CADM2: variants seen among roughly 807,000 people sequenced by gnomAD.
CADM2 encodes cell adhesion molecule 2, also known as immunoglobulin superfamily member 4D.
Under a neutral mutation model 49.8 loss-of-function variants are expected in CADM2, and 12 were observed. The observed-to-expected ratio is 0.24, with a 90% confidence interval of 0.15 to 0.39. The LOEUF (loss-of-function observed/expected upper bound fraction) is 0.39, where lower values mean the gene tolerates loss of function less well. Ranked by LOEUF, CADM2 falls within the 10% of genes least tolerant of loss-of-function variation. The pLI, the probability that CADM2 is intolerant of heterozygous loss-of-function variation, is 1.00. For missense variants in CADM2, 378 were observed against 492.3 expected, an observed-to-expected ratio of 0.77 and a Z score of 2.20; for synonymous variants, 214 against 175.4, an observed-to-expected ratio of 1.22 and a Z score of -1.74.
intron 1 of CADM2, among the ~76,000 whole-genome samples, chr3:85,541,719 TATATATATATA>T (rs2061543085): frequency 1.6e-5 from 2 of 125,566 alleles, no homozygotes; most frequent in African/African-American, 3.4e-5. Context: ...TATTTTATAT[TATATATATATA>T]TTTTATATAT....
intron 1 of CADM2, among the ~76,000 whole-genome samples, chr3:85,200,223 T>C (rs914030112): frequency 1.3e-5 from 2 of 152,058 alleles, no homozygotes; most frequent in African/African-American, 2.4e-5. Flanking sequence ...TTAAGAAAGG[T>C]ACATAGATTA....
intron 7 of CADM2, among the ~76,000 whole-genome samples, chr3:85,955,108 A>G (rs941127332): frequency 1.3e-5 from 2 of 151,460 alleles, no homozygotes; most frequent in African/African-American, 2.4e-5. Flanking sequence ...TAAAGGAAGT[A>G]TAAGATATAA....
intron 3 of CADM2, among the ~76,000 whole-genome samples, chr3:85,845,508 T>C (rs1176120124): frequency 2.0e-5 from 3 of 152,196 alleles, no homozygotes; most frequent in African/African-American, 7.2e-5. Flanking sequence ...TTAAGATTCA[T>C]GAAGCTTTAA....
At chr3:85,019,389 GAGA>G (rs1320193716) in intron 1 of CADM2, among the ~76,000 whole-genome samples, 2 of 152,114 alleles carry the variant, frequency 1.3e-5, no homozygotes, top group South Asian at 2.1e-4. Flanking sequence ...AGGCTGAGCT[GAGA>G]AGATCACTTG....
intron 2 of CADM2, among the ~76,000 whole-genome samples, chr3:85,750,138 A>G (rs1314925299): frequency 1.3e-5 from 2 of 152,134 alleles, no homozygotes; most frequent in Middle Eastern, 3.4e-3. Flanking sequence ...TGTATCCCAT[A>G]TCTTTCTGTT....
intron 1 of CADM2, among the ~76,000 whole-genome samples, chr3:85,207,750 C>T (rs1352780838): frequency 6.6e-6 from 1 of 152,098 alleles, no homozygotes; most frequent in Non-Finnish European, 1.5e-5. Flanking sequence ...AACCAACTGG[C>T]ATACTTTTAA....
intron 7 of CADM2, among the ~76,000 whole-genome samples, chr3:85,947,061 A>T (rs865796097): frequency 6.6e-6 from 1 of 152,110 alleles, no homozygotes; most frequent in East Asian, 1.9e-4. Flanking sequence ...GCAAATGGCT[A>T]ATATCCAGAA....
chr3:85,398,054 G>A (rs536493085), intron 1 of CADM2, among the ~76,000 whole-genome samples: 33 of 151,522 alleles, frequency 2.2e-4, no homozygotes, highest in African/African-American at 7.3e-4. Context: ...TGTGCACAAC[G>A]TGCAGGTTAG....
intron 3 of CADM2, among the ~76,000 whole-genome samples, chr3:85,850,006 T>C (rs9309994): frequency 0.14 from 21,973 of 152,116 alleles, 2,007 homozygotes; most frequent in Non-Finnish European, 0.2. Flanking sequence ...AATAAAAGAA[T>C]TGGTAAAAAG....
intron 1 of CADM2, among the ~76,000 whole-genome samples, chr3:85,275,468 T>C (rs897775681): frequency 2.0e-5 from 3 of 151,498 alleles, no homozygotes; most frequent in East Asian, 1.9e-4. Context: ...ACTAAATACA[T>C]AGACATAGAG....
At chr3:85,461,551 G>T (rs1002471508) in intron 1 of CADM2, among the ~76,000 whole-genome samples, 42 of 152,260 alleles carry the variant, frequency 2.8e-4, no homozygotes, top group African/African-American at 1.0e-3. Flanking sequence ...GGAGGAAAAA[G>T]TTTCAACTTT....
intron 1 of CADM2, among the ~76,000 whole-genome samples, chr3:85,467,837 G>A (rs901243898): frequency 3.3e-5 from 5 of 152,088 alleles, no homozygotes; most frequent in Admixed American, 1.3e-4. Context: ...AGCACAGCAG[G>A]TCCTGAAATA....
At chr3:86,060,957 G>C (rs1479342814) in intron 8 of CADM2, among the ~76,000 whole-genome samples, 4 of 151,482 alleles carry the variant, frequency 2.6e-5, no homozygotes, top group Admixed American at 6.6e-5. Context: ...ACTCCAGCCT[G>C]GGCTACAGAG....
chr3:85,487,757 CGTGT>C (rs891107767), intron 1 of CADM2, among the ~76,000 whole-genome samples: 16 of 150,000 alleles, frequency 1.1e-4, no homozygotes, highest in African/African-American at 3.4e-4. Context: ...CGTGTGTGTG[CGTGT>C]GTGTGTGCGT....
chr3:85,912,136 G>A (rs543743591), intron 5 of CADM2, among the ~76,000 whole-genome samples: 4 of 151,836 alleles, frequency 2.6e-5, no homozygotes, highest in East Asian at 3.9e-4. Flanking sequence ...TAGTAGAGAC[G>A]GGGTTTCACC....
chr3:85,434,127 T>C (rs2036816879), intron 1 of CADM2, among the ~76,000 whole-genome samples: 2 of 152,098 alleles, frequency 1.3e-5, no homozygotes, highest in Non-Finnish European at 2.9e-5. Flanking sequence ...TAATATCTAC[T>C]AAAATTTTAA....
intron 1 of CADM2, among the ~76,000 whole-genome samples, chr3:85,433,864 G>A (rs1337091669): frequency 1.3e-5 from 2 of 152,166 alleles, no homozygotes; most frequent in African/African-American, 4.8e-5. Context: ...ATACATCACA[G>A]CACTCAGAAA....
At chr3:85,962,651 C>A (rs1464014072) in intron 8 of CADM2, among the ~76,000 whole-genome samples, 1 of 151,750 alleles carries the variant, frequency 6.6e-6, no homozygotes, top group East Asian at 1.9e-4. Context: ...TTGCAATAAA[C>A]AAAATTAGTC....
At chr3:85,586,694 T>A (rs575167412) in intron 1 of CADM2, among the ~76,000 whole-genome samples, 3 of 152,250 alleles carry the variant, frequency 2.0e-5, no homozygotes, top group Admixed American at 2.0e-4. Flanking sequence ...GTTTTTACCA[T>A]TCCTTTTAAT....
Sources: gnomAD v4.1 joint callset for allele counts (sites outside exome capture counted in the v4.1 genomes callset) on GRCh38, gnomAD v4.1.1 for gene constraint, MANE v1.5 for transcripts, NCBI Gene and HGNC (gene_info 2026-07-23, HGNC 2026-07-21) for gene names.